CHEK2: variants seen among roughly 807,000 people sequenced by gnomAD.
CHEK2 encodes checkpoint kinase 2.
A neutral mutation model predicts 69.1 loss-of-function variants in CHEK2; 71 were observed. The observed-to-expected ratio is 1.03, with a 90% confidence interval of 0.85 to 1.25. CHEK2 has a LOEUF of 1.25. CHEK2 is among the 50% of genes most tolerant of loss of function. CHEK2 has a pLI of 0.00. For synonymous variants in CHEK2, 189 were observed against 226.9 expected (o/e 0.83, Z 1.50); for missense variants, 664 against 649.6 (o/e 1.02, Z -0.24).
intron 2 of CHEK2, among the ~76,000 whole-genome samples, chr22:28,730,249 G>A (rs1351995133): frequency 0.034 from 4 of 118 alleles, no homozygotes; most frequent in East Asian, 0.25. Context: ...AAGAGGAGAG[G>A]AGAGGAGGGG....
At chr22:28,708,494 G>A (rs145733758) in intron 7 of CHEK2, among the ~76,000 whole-genome samples, 3 of 151,600 alleles carry the variant, frequency 2.0e-5, no homozygotes, top group African/African-American at 7.3e-5. Flanking sequence ...AGCCAAGCAG[G>A]AAGGTCAGCC....
chr22:28,694,057 T>G lies in CHEK2; in HGVS notation c.1436A>C (p.Glu479Ala), dbSNP rs1464731405. 5 of 1,596,116 alleles carry G rather than the reference T, an allele frequency of 3.1e-6. No individual in the cohort carries two copies. The highest frequency in any genetic ancestry group is 4.2e-6 in the Non-Finnish European group (5 of 1,179,506). Residue 479 changes from glutamate to alanine, a missense_variant, in exon 13 of 15, where the codon GAA becomes GCA. Transcript: ENST00000404276. ...VDPKARFTTE[E>A]ALRHPWLQDE... ...CTGAAGCCACGGGTGTCTTAAGGCT[T>G]CTTCTGTCGTAAAACGTGCCTTTGG...
intron 1 of CHEK2, among the ~76,000 whole-genome samples, chr22:28,735,126 G>A (rs992415461): frequency 9.9e-5 from 15 of 151,982 alleles, no homozygotes; most frequent in Admixed American, 2.6e-4. Flanking sequence ...ATATACAGGG[G>A]GCCAGGCGCG....
At chr22:28,714,526 A>C (rs1271953941) in intron 5 of CHEK2, among the ~76,000 whole-genome samples, 1 of 152,150 alleles carries the variant, frequency 6.6e-6, no homozygotes, top group Non-Finnish European at 1.5e-5. Flanking sequence ...GTCTTTATCT[A>C]TTCTAGACAT....
chr22:28,698,890 C>T (rs1382296370), intron 9 of CHEK2, among the ~76,000 whole-genome samples: 1 of 152,064 alleles, frequency 6.6e-6, no homozygotes, highest in Non-Finnish European at 1.5e-5. Flanking sequence ...TCAAACCTGC[C>T]CAGCTCCCAC....
At chr22:28,715,481 G>A (rs972491048) in intron 5 of CHEK2, among the ~76,000 whole-genome samples, 1 of 151,680 alleles carries the variant, frequency 6.6e-6, no homozygotes, top group Non-Finnish European at 1.5e-5. Context: ...GTGCAGTGAT[G>A]CCATCTTGGC....
chr22:28,719,820 C>G (rs1391778791), intron 4 of CHEK2, among the ~76,000 whole-genome samples: 1 of 152,154 alleles, frequency 6.6e-6, no homozygotes, highest in East Asian at 1.9e-4. Context: ...AATGCCCATG[C>G]AGATTTACAA....
At chr22:28,728,704 C>CA (rs576076076) in intron 2 of CHEK2, among the ~76,000 whole-genome samples, 2 of 151,300 alleles carry the variant, frequency 1.3e-5, no homozygotes, top group Non-Finnish European at 1.5e-5. Flanking sequence ...ACTCTGTCTC[C>CA]AAAAAAACAA....
Position 28,703,573 on chromosome 22 carries a change from A to G in CHEK2, c.847-7T>C, listed in dbSNP as rs1057520267. 6.5e-7 allele frequency: 1 copy of G among 1,546,808 alleles called. No homozygotes were observed. ...TAATCTTGATGATGCAAGGCTAAGA[A>G]GAGGGGGAGAAAAAAGGGAAAGTAG... On this transcript the variant is annotated splice_region_variant and splice_polypyrimidine_tract_variant and intron_variant, in intron 7 of 14. Coordinates refer to ENST00000404276, the MANE Select transcript of CHEK2 (RefSeq NM_007194.4).
chr22:28,736,413 T>C (rs981865754), intron 1 of CHEK2, among the ~76,000 whole-genome samples: 1 of 152,166 alleles, frequency 6.6e-6, no homozygotes, highest in Non-Finnish European at 1.5e-5. Context: ...TCAATCTATA[T>C]TCCCTGACAC....
chr22:28,735,004 G>A (rs2054354393), intron 1 of CHEK2, among the ~76,000 whole-genome samples: 1 of 152,046 alleles, frequency 6.6e-6, no homozygotes, highest in Non-Finnish European at 1.5e-5. Context: ...TAAGTAAAAA[G>A]CAATAAAATT....
intron 12 of CHEK2, among the ~76,000 whole-genome samples, chr22:28,694,849 T>G (rs561779961): frequency 2.0e-5 from 3 of 152,260 alleles, no homozygotes; most frequent in African/African-American, 7.2e-5. Context: ...CAAAAACCTT[T>G]TAAGGTAGGG....
In CHEK2 at chr22:28,711,981, C is replaced by G. The variant is rs762686006; in HGVS notation, c.720G>C (p.Arg240Ser). The change falls in exon 6 of 15, where the codon AGG becomes AGC. Residue 240 changes from arginine (R) to serine (S), a missense_variant. Physicochemically the swap from Arg to Ser is moderately radical, Grantham distance 110. Transcript: ENST00000404276. ...TTATGGCTACTTTCTTACATGTTTT[C>G]CTCTCGAAAGCCAGCTTTACCTCTC... is the stretch of plus-strand genomic sequence containing the variant. Reference protein sequence around the residue: ...ACGEVKLAFERKTCKKVAIKI... With the variant: ...ACGEVKLAFESKTCKKVAIKI... 6.2e-7 allele frequency: 1 copy of G among 1,613,938 alleles called. No homozygotes were observed.
At position 28,702,389 on chromosome 22, in the gene CHEK2, C is replaced by T. The variant is rs1250898720; in HGVS notation, c.908+1116G>A. 2.0e-5 allele frequency among the ~76,000 whole-genome samples: 3 copies of T among 151,418 alleles called. No individual in the cohort carries two copies. The Admixed American group carries it at 2.0e-4, about 10-fold the overall frequency. On this transcript the variant is annotated intron_variant, in intron 8 of 14. Coordinates refer to ENST00000404276, the MANE Select transcript of CHEK2 (RefSeq NM_007194.4). ...GAGTAGCTGGGACTACAGGAGCCCA[C>T]CACCACACCCAGCTAATTTTTTGTA...
chr22:28,725,727 T>A (rs2053979536), intron 2 of CHEK2, among the ~76,000 whole-genome samples: 1 of 151,934 alleles, frequency 6.6e-6, no homozygotes, highest in African/African-American at 2.4e-5. Flanking sequence ...CTGGGCAACA[T>A]GGTGAAACCC....
chr22:28,722,741 T>C (rs957983666), intron 4 of CHEK2, among the ~76,000 whole-genome samples: 2 of 152,036 alleles, frequency 1.3e-5, no homozygotes, highest in Non-Finnish European at 2.9e-5. Flanking sequence ...GGTCTCACCA[T>C]GTTGCCCGAG....
intron 2 of CHEK2, among the ~76,000 whole-genome samples, chr22:28,731,070 G>A (rs989465299): frequency 1.3e-5 from 2 of 151,892 alleles, no homozygotes; most frequent in African/African-American, 4.8e-5. Context: ...GGGAGTGGTG[G>A]TGCACATCTG....
At chr22:28,699,961 G>C in intron 8 of CHEK2, 24 bp from the exon 9 acceptor site, 1 of 1,559,070 alleles carries the variant, frequency 6.4e-7, no homozygotes, top group Non-Finnish European at 8.8e-7. Context: ...GCAAGGCAAG[G>C]GGTTCATTCC....
intron 9 of CHEK2, 106 bp from the exon 10 acceptor site, chr22:28,697,093 T>A: frequency 2.7e-6 from 2 of 745,182 alleles, no homozygotes; most frequent in South Asian, 2.9e-5. Context: ...CCGTAAGCCG[T>A]GATACACACA....
Sources: allele counts gnomAD v4.1 joint callset (sites outside exome capture counted in the v4.1 genomes callset), GRCh38; gene constraint gnomAD v4.1.1; transcripts MANE v1.5; gene names NCBI Gene and HGNC (gene_info 2026-07-23, HGNC 2026-07-21).